The following FLVCR1 variants were observed in gnomAD, a reference collection of about 807,000 sequenced individuals.
FLVCR1 encodes choline/ethanolamine transporter FLVCR1.
Under a neutral mutation model 53.6 loss-of-function variants are expected in FLVCR1, and 34 were observed. The observed-to-expected ratio is 0.63, with a 90% CI of 0.48 to 0.84. The LOEUF (loss-of-function observed/expected upper bound fraction) is 0.84. FLVCR1 is among the 40% of genes least tolerant of loss of function. The pLI is 0.00. For synonymous variants in FLVCR1, 300 were observed against 286.3 expected (o/e 1.05, Z -0.48); for missense variants, 677 against 696.7 (o/e 0.97, Z 0.32).
chr1:212,858,475 A>AG lies in FLVCR1; in HGVS notation c.28dup (p.Ala10GlyfsTer80). ...GATATGGCGCGGCCAGACGATGAGG[A>AG]GGGGGCGGCGGTGGCGCCCGGACAC... On this transcript the variant is annotated frameshift_variant, in exon 1 of 10. Transcript: ENST00000366971. LOFTEE classifies it high-confidence loss of function. The AG allele has an allele frequency of 6.9e-7, 1 of 1,441,276 alleles. No individual in the cohort carries two copies. Among genetic ancestry groups the AG allele is most frequent in the Non-Finnish European group, 9.1e-7 (1 of 1,102,326 alleles). 89.3% of individuals were successfully genotyped at this position (1,441,276 alleles called of 1,614,324 possible).
chr1:212,869,685 C>T (rs1558111296), intron 2 of FLVCR1, among the ~76,000 whole-genome samples: 1 of 152,148 alleles, frequency 6.6e-6, no homozygotes, highest in African/African-American at 2.4e-5. Flanking sequence ...GATTAAGGTG[C>T]CCACCACCCC....
At chr1:212,875,017 T>C (rs1664717370) in intron 3 of FLVCR1, among the ~76,000 whole-genome samples, 1 of 152,158 alleles carries the variant, frequency 6.6e-6, no homozygotes, top group South Asian at 2.1e-4. Flanking sequence ...TTACCGGAAA[T>C]GTGCTTCTTT....
At chr1:212,865,072 T>A (rs979036858) in intron 2 of FLVCR1, among the ~76,000 whole-genome samples, 1 of 152,068 alleles carries the variant, frequency 6.6e-6, no homozygotes, top group African/African-American at 2.4e-5. Context: ...ATTCCTATCC[T>A]ATTTTAGCAG....
At position 212,881,324 on chromosome 1, in the gene FLVCR1, C is replaced by CA. The variant is rs1664923090; in HGVS notation, c.1025-2046dup. Among the ~76,000 whole-genome samples the CA allele has an allele frequency of 3.4e-5, 3 of 87,446 alleles. No homozygotes were observed. In the South Asian group the frequency reaches 1.3e-3, roughly 37 times the overall value. The allele number at this position is 87,446 out of a possible 152,430, so 57.4% of individuals were successfully genotyped here. A position where few individuals can be genotyped will look rare whatever the true frequency, so the allele number is the denominator to read the frequency against. ...GTCTTTTTTTTTTTTTTTTTTGAGA[C>CA]AGAGTCTCACTCTGTCGAATTTCTT... On this transcript the variant is annotated intron_variant, in intron 3 of 9. Transcript: ENST00000366971.
At chr1:212,891,151 G>A (rs1467722148) in intron 8 of FLVCR1, among the ~76,000 whole-genome samples, 1 of 152,100 alleles carries the variant, frequency 6.6e-6, no homozygotes, top group African/African-American at 2.4e-5. Flanking sequence ...GCTCATACTT[G>A]TATTCCTAGC....
In FLVCR1 at chr1:212,858,542, C is replaced by G. The variant is rs1053324425; in HGVS notation, c.90C>G (p.Pro30=). The change falls in exon 1 of 10, where the codon CCC becomes CCG. Residue 30 remains proline, a synonymous_variant. Transcript: ENST00000366971. ...KGYLPLPRGA[P]VGKESVELQN... ...ACCTCCCGTTGCCGAGGGGCGCGCCCGTTGGGAAGGAGAGCGTGGAGCTGC... is the reference window on the plus strand; with the variant it reads ...ACCTCCCGTTGCCGAGGGGCGCGCCGGTTGGGAAGGAGAGCGTGGAGCTGC... 3 of 1,464,860 alleles carry G rather than the reference C, an allele frequency of 2.0e-6. No individual in the cohort carries two copies. Among genetic ancestry groups the G allele is most frequent in the Admixed American group, 5.2e-5 (2 of 38,638 alleles). The allele number at this position is 1,464,860 out of a possible 1,614,324, so 90.7% of individuals were successfully genotyped here. A position where few individuals can be genotyped will look rare whatever the true frequency, so the allele number is the denominator to read the frequency against.
At chr1:212,890,548 C>T (rs539244928) in intron 8 of FLVCR1, among the ~76,000 whole-genome samples, 1 of 152,256 alleles carries the variant, frequency 6.6e-6, no homozygotes, top group East Asian at 1.9e-4. Flanking sequence ...TCCTGGGCCA[C>T]ATATGGGCTG....
rs554048351 is a variant in FLVCR1 at position 212,858,299 on chromosome 1, G to C, written c.-154G>C. The C allele has an allele frequency of 5.4e-6, 4 of 734,610 alleles. No individual in the cohort carries two copies. Among genetic ancestry groups the C allele is most frequent in the Non-Finnish European group, 8.4e-6 (4 of 476,832 alleles). 45.5% of individuals were successfully genotyped at this position (734,610 alleles called of 1,614,324 possible). ...GAGACCTTCATCTGTTCACGCGGTA[G>C]CGCGGATTGCGGTTCGCGGCGCGCG... On this transcript the variant is annotated 5_prime_UTR_variant, in exon 1 of 10. Coordinates refer to ENST00000366971, the MANE Select transcript of FLVCR1 (RefSeq NM_014053.4).
rs975283720 is a variant in FLVCR1, at chr1:212,897,751, T to C, written c.*2461T>C. The stretch of plus-strand genomic sequence containing the variant: ...TGCCACACACCTTCAAACAACCAGA[T>C]TTTGTGAAAACTCACTCATTACTGC... On this transcript the variant is annotated 3_prime_UTR_variant, in exon 10 of 10. Coordinates refer to ENST00000366971, the MANE Select transcript of FLVCR1 (RefSeq NM_014053.4). 1.3e-5 allele frequency: 2 copies of C among 152,040 alleles called. No homozygotes were observed. Among genetic ancestry groups the C allele is most frequent in the Non-Finnish European group, 2.9e-5 (2 of 68,012 alleles). The allele number at this position is 152,040 out of a possible 1,614,324, so 9.4% of individuals were successfully genotyped here.
rs188816527 is a variant in FLVCR1, at chr1:212,873,907, C to T, written c.1024+1089C>T. Among the ~76,000 whole-genome samples the T allele has an allele frequency of 3.8e-3, 579 of 152,232 alleles. 9 individuals carry two copies. The highest frequency in any genetic ancestry group is 0.013 in the African/African-American group (555 of 41,528). On this transcript the variant is annotated intron_variant, in intron 3 of 9. Transcript: ENST00000366971. ...TAATCACCAAAGTTGAACATTTAAT[C>T]TAATTCCTATATACCCATATCCTGT...
chr1:212,880,954 T>G (rs770397203), intron 3 of FLVCR1, among the ~76,000 whole-genome samples: 2 of 152,194 alleles, frequency 1.3e-5, no homozygotes, highest in Admixed American at 6.5e-5. Context: ...CTGTAAATGC[T>G]TCCATGATTA....
At position 212,858,387 on chromosome 1, in the gene FLVCR1, G is replaced by C; in HGVS notation, c.-66G>C. 7.2e-7 allele frequency: 1 copy of C among 1,384,488 alleles called. No individual in the cohort carries two copies. 85.8% of individuals were successfully genotyped at this position (1,384,488 alleles called of 1,614,324 possible). A position where few individuals can be genotyped will look rare whatever the true frequency, so the allele number is the denominator to read the frequency against. On this transcript the variant is annotated 5_prime_UTR_variant, in exon 1 of 10. Transcript: ENST00000366971. ...TGGGGCCCCAGGAGGACCTCGGGCT[G>C]TGGGCCGGGAGAGCGGAGTCGGGGA... is the stretch of plus-strand genomic sequence containing the variant.
At chr1:212,870,279 A>G (rs1664559663) in intron 2 of FLVCR1, 2 of 152,242 alleles carry the variant, frequency 1.3e-5, no homozygotes, top group African/African-American at 4.8e-5. Context: ...GTTATATCAC[A>G]GTTAATGTGT....
At chr1:212,868,489 C>T (rs898826087) in intron 2 of FLVCR1, among the ~76,000 whole-genome samples, 1 of 152,234 alleles carries the variant, frequency 6.6e-6, no homozygotes, top group African/African-American at 2.4e-5. Context: ...TCTCCGCTCA[C>T]CGCAACCTCT....
Position 212,888,483 on chromosome 1 carries a change from T to C in FLVCR1, c.1308-6T>C. 2 of 1,597,768 alleles carry C rather than the reference T, an allele frequency of 1.3e-6. No individual in the cohort carries two copies. Among genetic ancestry groups the C allele is most frequent in the Admixed American group, 3.3e-5 (2 of 59,984 alleles). ...TCTTTCTGTAATTCTGGATTTATTT[T>C]CCTAGCTTCTTCATGACTGGTTACC... is the stretch of plus-strand genomic sequence containing the variant. On this transcript the variant is annotated splice_region_variant and splice_polypyrimidine_tract_variant and intron_variant, in intron 6 of 9. Coordinates refer to ENST00000366971, the MANE Select transcript of FLVCR1 (RefSeq NM_014053.4).
At chr1:212,874,959 A>G (rs1664716025) in intron 3 of FLVCR1, among the ~76,000 whole-genome samples, 1 of 147,202 alleles carries the variant, frequency 6.8e-6, no homozygotes, top group Non-Finnish European at 1.5e-5. Flanking sequence ...CTCCACATGC[A>G]TATACACTGT....
intron 3 of FLVCR1, among the ~76,000 whole-genome samples, chr1:212,874,958 C>T (rs1358189137): frequency 6.9e-6 from 1 of 145,860 alleles, no homozygotes; most frequent in Non-Finnish European, 1.5e-5. Flanking sequence ...TCTCCACATG[C>T]ATATACACTG....
At chr1:212,888,139 A>G in intron 6 of FLVCR1, 138 bp downstream of exon 6, 1 of 640,376 alleles carries the variant, frequency 1.6e-6, no homozygotes, top group Non-Finnish European at 2.7e-6. Context: ...TTCTATGCAT[A>G]TAAACATGTA....
chr1:212,863,883 T>A lies in FLVCR1; in HGVS notation c.883+14T>A. On this transcript the variant is annotated intron_variant, in intron 2 of 9. Transcript: ENST00000366971. ...TAACAGCAATTGGTAAGTGAATTAC[T>A]TTCCCTAAAGCTTAAATGAATGCAT... The A allele has an allele frequency of 6.2e-7, 1 of 1,608,944 alleles. No individual in the cohort carries two copies. Among genetic ancestry groups the A allele is most frequent in the Non-Finnish European group, 8.5e-7 (1 of 1,175,438 alleles).
Sources: gnomAD v4.1 joint callset for allele counts (sites outside exome capture counted in the v4.1 genomes callset) on GRCh38, gnomAD v4.1.1 for gene constraint, MANE v1.5 for transcripts, NCBI Gene and HGNC (gene_info 2026-07-23, HGNC 2026-07-21) for gene names.